Variants in PCSK6 observed in about 807,000 individuals in gnomAD.
PCSK6 encodes the protein paired basic amino acid cleaving enzyme 4.
PCSK6 carries 85 observed loss-of-function variants against 123.3 expected under a neutral mutation model. That is an observed-to-expected ratio of 0.69 (90% CI 0.58 to 0.83). PCSK6 has a LOEUF of 0.83. Among genes scored for constraint, PCSK6 ranks in the 40% least tolerant of loss-of-function variants. PCSK6 has a pLI of 0.00. For missense variants in PCSK6, 1,191 were observed against 1,282.3 expected (o/e 0.93, Z 1.09); for synonymous variants, 508 against 516.0 (o/e 0.98, Z 0.21).
In PCSK6 at chr15:101,304,583, C is replaced by T. The variant is rs1247181896; in HGVS notation, c.*675G>A. On this transcript the variant is annotated 3_prime_UTR_variant, in exon 22 of 22. Coordinates refer to ENST00000611716, the MANE Select transcript of PCSK6 (RefSeq NM_002570.5). ...ACAGAACACGGTAACAAGGAGAGCT[C>T]GGCTTGCTCAAAGGAGAGCGCTGCG... 1.3e-5 allele frequency: 2 copies of T among 152,170 alleles called. No individual in the cohort carries two copies. The highest frequency in any genetic ancestry group is 6.5e-5 in the Admixed American group (1 of 15,272). 9.4% of individuals were successfully genotyped at this position (152,170 alleles called of 1,614,324 possible). A position where few individuals can be genotyped will look rare whatever the true frequency, so the allele number is the denominator to read the frequency against.
chr15:101,476,734 G>T (rs981652664), intron 1 of PCSK6, among the ~76,000 whole-genome samples: 11 of 152,254 alleles, frequency 7.2e-5, no homozygotes, highest in African/African-American at 2.2e-4. Context: ...ATTTTGCTTT[G>T]TACACCTGCA....
intron 11 of PCSK6, among the ~76,000 whole-genome samples, chr15:101,380,398 C>T (rs939866138): frequency 3.3e-5 from 5 of 152,192 alleles, no homozygotes; most frequent in Admixed American, 2.6e-4. Flanking sequence ...CCCAGGAGCC[C>T]ACCTCCCTCA....
chr15:101,477,255 GTGTC>G lies in PCSK6; in HGVS notation c.297+12115_297+12118del, dbSNP rs201648426. On this transcript the variant is annotated intron_variant, in intron 1 of 21. Transcript: ENST00000611716. ...AATATATGTGTGTGCGTGTGTGTGT[GTGTC>G]TGTGTGTCTGTGTGTGTGTGCATGC... Among the ~76,000 whole-genome samples, 1,025 of 152,104 alleles carry G rather than the reference GTGTC, an allele frequency of 6.7e-3. 9 individuals carry two copies. The highest frequency in any genetic ancestry group is 0.024 in the African/African-American group (985 of 41,508).
intron 13 of PCSK6, among the ~76,000 whole-genome samples, chr15:101,358,921 C>A (rs974421843): frequency 6.6e-6 from 1 of 152,206 alleles, no homozygotes; most frequent in East Asian, 1.9e-4. Flanking sequence ...ACTGCAGTGT[C>A]CCATGTGAGG....
At chr15:101,345,650 G>A (rs1386799669) in intron 13 of PCSK6, among the ~76,000 whole-genome samples, 4 of 152,320 alleles carry the variant, frequency 2.6e-5, no homozygotes, top group Non-Finnish European at 4.4e-5. Context: ...GCGCTCTCGC[G>A]AAAGACAAAA....
chr15:101,356,163 G>C lies in PCSK6; in HGVS notation c.1858+10033C>G, dbSNP rs980507413. On this transcript the variant is annotated intron_variant, in intron 13 of 21. Transcript: ENST00000611716. ...CTCTTAAATGCAGCCAAACTTCTCC[G>C]ACAGATGTTCTGCAGGACGAGCCAT... Among the ~76,000 whole-genome samples, 4 of 152,260 alleles carry C rather than the reference G, an allele frequency of 2.6e-5. No homozygotes were observed. In the South Asian group the frequency reaches 6.2e-4, roughly 24 times the overall value.
chr15:101,395,954 C>T (rs577163587), intron 7 of PCSK6, among the ~76,000 whole-genome samples: 2 of 152,050 alleles, frequency 1.3e-5, no homozygotes, highest in African/African-American at 2.4e-5. Flanking sequence ...CTCTCACCGC[C>T]GGGCCACATC....
chr15:101,325,142 G>A, intron 16 of PCSK6, 96 bp from the exon 17 acceptor site: 1 of 819,834 alleles, frequency 1.2e-6, no homozygotes, highest in Non-Finnish European at 1.9e-6. Context: ...AAGGCTTCAG[G>A]AGTGAATGTC....
At chr15:101,452,847 G>A (rs534132285) in intron 1 of PCSK6, among the ~76,000 whole-genome samples, 12 of 152,292 alleles carry the variant, frequency 7.9e-5, no homozygotes, top group Non-Finnish European at 1.0e-4. Context: ...TGTGCTGCAC[G>A]GCTCTGCAGA....
intron 13 of PCSK6, chr15:101,334,094 C>T (rs929586277): frequency 2.6e-5 from 4 of 152,348 alleles, no homozygotes; most frequent in African/African-American, 9.6e-5. Flanking sequence ...TTCCACAGGG[C>T]TCGGTTCATT....
At chr15:101,473,407 C>T (rs1035004430) in intron 1 of PCSK6, among the ~76,000 whole-genome samples, 1 of 152,200 alleles carries the variant, frequency 6.6e-6, no homozygotes, top group African/African-American at 2.4e-5. Flanking sequence ...CATGCCTAGC[C>T]TTCATTTGGA....
In PCSK6 at chr15:101,346,980, G is replaced by T. The variant is rs573708465; in HGVS notation, c.1859-14949C>A. 105 of 1,231,738 alleles carry T rather than the reference G, an allele frequency of 8.5e-5. 1 individual carries two copies. Among genetic ancestry groups the T allele is most frequent in the Non-Finnish European group, 3.0e-6 (3 of 987,966 alleles). 76.3% of individuals were successfully genotyped at this position (1,231,738 alleles called of 1,614,324 possible). ...TGTCACGGCCCCGTGAAAGAGAAAA[G>T]GAGGTAAAGAGATTGACTGCAATAT... On this transcript the variant is annotated intron_variant, in intron 13 of 21. Coordinates refer to ENST00000611716, the MANE Select transcript of PCSK6 (RefSeq NM_002570.5).
intron 16 of PCSK6, among the ~76,000 whole-genome samples, chr15:101,325,362 C>T (rs1277239167): frequency 2.0e-5 from 3 of 152,222 alleles, no homozygotes; most frequent in Admixed American, 6.5e-5. Context: ...AACCCTCTCT[C>T]GGGCGCCCTC....
At chr15:101,373,554 A>T (rs1487556943) in intron 11 of PCSK6, among the ~76,000 whole-genome samples, 1 of 152,174 alleles carries the variant, frequency 6.6e-6, no homozygotes, top group East Asian at 1.9e-4. Context: ...TTAACCTAAC[A>T]TCCCCAATTA....
chr15:101,406,101 A>T (rs2042770646), intron 6 of PCSK6, among the ~76,000 whole-genome samples: 1 of 152,174 alleles, frequency 6.6e-6, no homozygotes. Flanking sequence ...AGGCAAGGTG[A>T]ACCTATCAAC....
At position 101,400,934 on chromosome 15, in the gene PCSK6, G is replaced by A. The variant is rs556223745; in HGVS notation, c.824-2358C>T. 3.3e-5 allele frequency among the ~76,000 whole-genome samples: 5 copies of A among 152,202 alleles called. No homozygotes were observed. In the South Asian group the frequency reaches 1.0e-3, roughly 32 times the overall value. The stretch of plus-strand genomic sequence containing the variant: ...CCCTAAGGTTTTCCCCTTAATATAT[G>A]CCCTGAAATTTCCCAGGCATGAAGC... On this transcript the variant is annotated intron_variant, in intron 6 of 21. Coordinates refer to ENST00000611716, the MANE Select transcript of PCSK6 (RefSeq NM_002570.5).
At chr15:101,418,974 G>A (rs2055986987) in intron 6 of PCSK6, among the ~76,000 whole-genome samples, 1 of 152,090 alleles carries the variant, frequency 6.6e-6, no homozygotes, top group Non-Finnish European at 1.5e-5. Context: ...TTCTCAACTT[G>A]ATAAAGGGTA....
chr15:101,346,696 C>G, intron 13 of PCSK6: 1 of 1,148,582 alleles, frequency 8.7e-7, no homozygotes, highest in Non-Finnish European at 1.1e-6. Context: ...AAAGGGGTTT[C>G]AAGAGAGCTC....
intron 6 of PCSK6, among the ~76,000 whole-genome samples, chr15:101,404,697 A>G (rs1005927305): frequency 1.3e-5 from 2 of 152,198 alleles, no homozygotes; most frequent in Non-Finnish European, 2.9e-5. Context: ...AGTTAAGAAG[A>G]TTAACGAAAA....
Sources: gnomAD v4.1 joint callset for allele counts (sites outside exome capture counted in the v4.1 genomes callset) on GRCh38, gnomAD v4.1.1 for gene constraint, MANE v1.5 for transcripts, NCBI Gene and HGNC (gene_info 2026-07-23, HGNC 2026-07-21) for gene names.